The following SDK1 variants were observed in gnomAD, a reference collection of about 807,000 sequenced individuals.
SDK1 encodes protein sidekick-1.
SDK1 carries 157 observed loss-of-function variants against 245.5 expected under a neutral mutation model. That is an observed-to-expected ratio of 0.64 (90% CI 0.56 to 0.73). SDK1 has a LOEUF of 0.73. Among genes scored for constraint, SDK1 ranks in the 30% least tolerant of loss-of-function variants. The pLI, the probability that SDK1 is intolerant of heterozygous loss-of-function variation, is 0.00. For synonymous variants in SDK1, 1,647 were observed against 1,278.5 expected (o/e 1.29, Z -6.15); for missense variants, 3,583 against 3,002.3 (o/e 1.19, Z -4.52).
intron 1 of SDK1, among the ~76,000 whole-genome samples, chr7:3,327,614 G>A (rs1779968239): frequency 6.6e-6 from 1 of 151,980 alleles, no homozygotes; most frequent in African/African-American, 2.4e-5. Flanking sequence ...ACTGAAAGCT[G>A]TCCAGTATAG....
At chr7:4,256,535 C>G (rs1426068367) in intron 44 of SDK1, among the ~76,000 whole-genome samples, 1 of 152,222 alleles carries the variant, frequency 6.6e-6, no homozygotes, top group African/African-American at 2.4e-5. Flanking sequence ...CATTGGTTTT[C>G]AAATAGGACT....
intron 4 of SDK1, among the ~76,000 whole-genome samples, chr7:3,814,787 C>A (rs1424569988): frequency 4.0e-5 from 6 of 149,386 alleles, no homozygotes; most frequent in Admixed American, 1.3e-4. Flanking sequence ...CTTTTATTTC[C>A]TTGAGCAGTG....
intron 20 of SDK1, among the ~76,000 whole-genome samples, chr7:4,072,087 C>A (rs1011410804): frequency 2.0e-5 from 3 of 152,234 alleles, no homozygotes; most frequent in Non-Finnish European, 2.9e-5. Context: ...GTCTGTTTCA[C>A]CAGCTAATGG....
chr7:3,700,775 C>T (rs1019809325), intron 4 of SDK1, among the ~76,000 whole-genome samples: 2 of 152,186 alleles, frequency 1.3e-5, no homozygotes, highest in Non-Finnish European at 2.9e-5. Flanking sequence ...GTCGATTCAT[C>T]TATACTTTTG....
chr7:3,331,814 T>G (rs1393783088), intron 1 of SDK1, among the ~76,000 whole-genome samples: 1 of 152,190 alleles, frequency 6.6e-6, no homozygotes, highest in Non-Finnish European at 1.5e-5. Flanking sequence ...TTTAAGGCAG[T>G]CCCAATTAGT....
In SDK1 at chr7:4,155,716, C is replaced by T. The variant is rs188586391; in HGVS notation, c.4626-2732C>T. On this transcript the variant is annotated intron_variant, in intron 30 of 44. Transcript: ENST00000404826. Reference sequence around the variant, plus strand: ...TGTCCTCATAGGCAACCCCCCACCCCAGCCTGAGAAACTTCGCAGATGGGG... The same window carrying T: ...TGTCCTCATAGGCAACCCCCCACCCTAGCCTGAGAAACTTCGCAGATGGGG... Among the ~76,000 whole-genome samples the T allele has an allele frequency of 9.9e-4, 151 of 152,332 alleles. 3 individuals are homozygous for T. The highest frequency in any genetic ancestry group is 3.5e-3 in the African/African-American group (146 of 41,582).
intron 4 of SDK1, among the ~76,000 whole-genome samples, chr7:3,746,622 G>T (rs1205819099): frequency 6.6e-6 from 1 of 152,164 alleles, no homozygotes; most frequent in Non-Finnish European, 1.5e-5. Flanking sequence ...CCAGGAGTAG[G>T]TTCCATCTTA....
At chr7:3,435,799 C>G (rs1051841044) in intron 1 of SDK1, among the ~76,000 whole-genome samples, 1 of 152,170 alleles carries the variant, frequency 6.6e-6, no homozygotes, top group African/African-American at 2.4e-5. Flanking sequence ...TATTCAGTCT[C>G]TACGTCCCTC....
In SDK1 at chr7:4,220,191, C is replaced by G. The variant is rs764637253; in HGVS notation, c.5622C>G (p.Thr1874=). ...LKVRDLTKGV[T]YFFRVQARTI... is the part of the protein sequence containing the mutation. Reference sequence around the variant, plus strand: ...TGCGGGACCTCACCAAGGGAGTGACCTATTTCTTCCGTGTCCAAGCGCGGA... The same window carrying G: ...TGCGGGACCTCACCAAGGGAGTGACGTATTTCTTCCGTGTCCAAGCGCGGA... Residue 1874 remains threonine (T), a synonymous_variant, in exon 39 of 45, where the codon ACC becomes ACG. Transcript: ENST00000404826. 3 of 1,613,954 alleles carry G rather than the reference C, an allele frequency of 1.9e-6. No homozygotes were observed. In the African/African-American group the frequency reaches 4.0e-5, roughly 22 times the overall value.
At chr7:3,733,202 A>C (rs1779228934) in intron 4 of SDK1, among the ~76,000 whole-genome samples, 1 of 152,204 alleles carries the variant, frequency 6.6e-6, no homozygotes, top group South Asian at 2.1e-4. Flanking sequence ...ATTTTAATTT[A>C]TTACCTTATG....
chr7:3,566,360 G>A (rs1378661290), intron 1 of SDK1, among the ~76,000 whole-genome samples: 2 of 151,718 alleles, frequency 1.3e-5, no homozygotes, highest in Non-Finnish European at 2.9e-5. Flanking sequence ...GAGTAACTGG[G>A]ACTACAGGCA....
intron 40 of SDK1, among the ~76,000 whole-genome samples, chr7:4,223,264 T>C (rs1785242811): frequency 6.6e-6 from 1 of 152,204 alleles, no homozygotes; most frequent in African/African-American, 2.4e-5. Flanking sequence ...CACATTTTAT[T>C]TTCACTGACC....
At chr7:3,822,027 T>G (rs1196926263) in intron 5 of SDK1, among the ~76,000 whole-genome samples, 1 of 152,216 alleles carries the variant, frequency 6.6e-6, no homozygotes. Context: ...TTAAGCATAA[T>G]CAGTTGATCA....
chr7:3,422,186 T>C (rs1049711733), intron 1 of SDK1, among the ~76,000 whole-genome samples: 1 of 152,228 alleles, frequency 6.6e-6, no homozygotes, highest in African/African-American at 2.4e-5. Flanking sequence ...TCAAGTGGAA[T>C]GAATCAAATG....
At chr7:3,501,935 C>G (rs1343760871) in intron 1 of SDK1, among the ~76,000 whole-genome samples, 1 of 152,096 alleles carries the variant, frequency 6.6e-6, no homozygotes, top group Non-Finnish European at 1.5e-5. Context: ...ATGTTTTATC[C>G]TCCTAGACCA....
At chr7:3,844,754 C>G (rs1249513788) in intron 5 of SDK1, among the ~76,000 whole-genome samples, 1 of 152,178 alleles carries the variant, frequency 6.6e-6, no homozygotes, top group Non-Finnish European at 1.5e-5. Context: ...TGCCCAAGGC[C>G]TTGGAGACAG....
intron 40 of SDK1, 36 bp from the exon 41 acceptor site, chr7:4,233,219 C>G: frequency 1.3e-6 from 2 of 1,598,216 alleles, no homozygotes; most frequent in Admixed American, 1.7e-5. Flanking sequence ...CTTCGCACTT[C>G]TAACCTCTGC....
At chr7:4,179,134 G>A (rs1454709235) in intron 35 of SDK1, 2 of 152,872 alleles carry the variant, frequency 1.3e-5, no homozygotes, top group Non-Finnish European at 2.9e-5. Flanking sequence ...ATCAGATCCT[G>A]TCCCTATCCC....
chr7:4,166,704 G>A (rs1584347590), intron 32 of SDK1, among the ~76,000 whole-genome samples: 2 of 152,212 alleles, frequency 1.3e-5, no homozygotes, highest in East Asian at 3.8e-4. Context: ...CGGCCCGGGG[G>A]ACCACGGTGG....
Sources: allele counts gnomAD v4.1 joint callset (sites outside exome capture counted in the v4.1 genomes callset), GRCh38; gene constraint gnomAD v4.1.1; transcripts MANE v1.5; gene names NCBI Gene and HGNC (gene_info 2026-07-23, HGNC 2026-07-21).